The following LRRIQ3 variants were observed in gnomAD, a reference collection of about 807,000 sequenced individuals.
LRRIQ3 encodes the protein leucine-rich repeat and IQ domain-containing protein 3.
A neutral mutation model predicts 59.3 loss-of-function variants in LRRIQ3; 75 were observed. The ratio of observed to expected loss-of-function variants is 1.26; its 90% CI spans 1.05 to 1.53. The LOEUF (loss-of-function observed/expected upper bound fraction) is 1.53. LRRIQ3 is among the 40% of genes most tolerant of loss of function. LRRIQ3 has a pLI of 0.00. For missense variants in LRRIQ3, 831 were observed against 710.0 expected, an observed-to-expected ratio of 1.17 and a Z score of -1.94; for synonymous variants, 250 against 231.3, an observed-to-expected ratio of 1.08 and a Z score of -0.73.
intron 6 of LRRIQ3, among the ~76,000 whole-genome samples, chr1:74,055,753 A>C (rs1654513978): frequency 6.6e-6 from 1 of 152,166 alleles, no homozygotes; most frequent in Non-Finnish European, 1.5e-5. Flanking sequence ...TTCATATGGC[A>C]ACTGTTTAAT....
At chr1:74,190,875 G>A (rs1181583601) in intron 1 of LRRIQ3, among the ~76,000 whole-genome samples, 1 of 152,048 alleles carries the variant, frequency 6.6e-6, no homozygotes, top group African/African-American at 2.4e-5. Flanking sequence ...AATATTTGAA[G>A]TGTTAAGAGA....
chr1:74,081,635 T>C (rs1185744438), intron 5 of LRRIQ3, among the ~76,000 whole-genome samples: 6 of 151,612 alleles, frequency 4.0e-5, no homozygotes, highest in Non-Finnish European at 7.4e-5. Flanking sequence ...TCAGAATATA[T>C]AGTTTTCATT....
At chr1:74,124,597 C>A (rs1646908854) in intron 4 of LRRIQ3, among the ~76,000 whole-genome samples, 2 of 151,964 alleles carry the variant, frequency 1.3e-5, no homozygotes, top group Non-Finnish European at 2.9e-5. Context: ...ATTTTCCCAA[C>A]ACCACTTACT....
rs778570311 is a variant in LRRIQ3, at chr1:74,041,869, G to GA, written c.1061dup (p.Lys355GlnfsTer13). 1 of 1,611,568 alleles carries GA rather than the reference G, an allele frequency of 6.2e-7. No homozygotes were observed. The highest frequency in any genetic ancestry group is 1.1e-5 in the South Asian group (1 of 90,666). ...AACCTGAAGTGTATATGGGTAGTTTGAAAACTGATATCCTAAAACTGGTAT... is the reference window on the plus strand; with the variant it reads ...AACCTGAAGTGTATATGGGTAGTTTGAAAAACTGATATCCTAAAACTGGTAT... On this transcript the variant is annotated frameshift_variant, in exon 7 of 8. Coordinates refer to ENST00000354431, the MANE Select transcript of LRRIQ3 (RefSeq NM_001105659.2). LOFTEE classifies it high-confidence loss of function.
At chr1:74,149,699 G>A (rs778782647) in intron 4 of LRRIQ3, among the ~76,000 whole-genome samples, 10 of 151,796 alleles carry the variant, frequency 6.6e-5, no homozygotes, top group Non-Finnish European at 1.5e-4. Context: ...CCTTTACTCT[G>A]TTTGGGTATA....
In LRRIQ3 at chr1:74,041,334, G is replaced by A. The variant is rs970244479; in HGVS notation, c.1597C>T (p.Leu533Phe). ...NERTLLTRGL[L>F]KIDRLEKNEA... is the part of the protein sequence containing the mutation. ...TTCTTCTCCAGTCTGTCAATTTTAAGTAGTCCTCTGGTCAAAAGAGTGCGC... is the reference window on the plus strand; with the variant it reads ...TTCTTCTCCAGTCTGTCAATTTTAAATAGTCCTCTGGTCAAAAGAGTGCGC... Residue 533 changes from leucine to phenylalanine, a missense_variant, in exon 7 of 8, where the codon CTT (leucine) becomes TTT (phenylalanine). Transcript: ENST00000354431. 1.9e-6 allele frequency: 3 copies of A among 1,613,610 alleles called. No individual in the cohort carries two copies. Among genetic ancestry groups the A allele is most frequent in the Non-Finnish European group, 1.7e-6 (2 of 1,179,866 alleles).
intron 4 of LRRIQ3, chr1:74,144,431 G>A: frequency 3.1e-6 from 1 of 323,654 alleles, no homozygotes; most frequent in East Asian, 1.1e-4. Context: ...ATATTTCAAG[G>A]AAACTAGATT....
At chr1:74,122,781 T>C (rs12731216) in intron 4 of LRRIQ3, among the ~76,000 whole-genome samples, 1 of 151,950 alleles carries the variant, frequency 6.6e-6, no homozygotes, top group African/African-American at 2.4e-5. Context: ...AAGGACTTCA[T>C]GTCTAAAACA....
chr1:74,166,467 T>G (rs1158984540), intron 3 of LRRIQ3, among the ~76,000 whole-genome samples: 1 of 151,808 alleles, frequency 6.6e-6, no homozygotes, highest in Non-Finnish European at 1.5e-5. Flanking sequence ...GGTTTGTCAA[T>G]TTTATTCACT....
intron 4 of LRRIQ3, among the ~76,000 whole-genome samples, chr1:74,139,061 T>C (rs1647179783): frequency 6.6e-6 from 1 of 150,598 alleles, no homozygotes; most frequent in Admixed American, 6.7e-5. Flanking sequence ...TATGTGTATA[T>C]ATATATATAT....
At chr1:74,158,905 T>C (rs982929609) in intron 3 of LRRIQ3, among the ~76,000 whole-genome samples, 3 of 152,090 alleles carry the variant, frequency 2.0e-5, no homozygotes, top group Non-Finnish European at 2.9e-5. Flanking sequence ...CCAACTTTAG[T>C]TGAGATTATT....
At chr1:74,135,129 T>C (rs1306150564) in intron 4 of LRRIQ3, among the ~76,000 whole-genome samples, 4 of 151,888 alleles carry the variant, frequency 2.6e-5, no homozygotes, top group African/African-American at 9.7e-5. Context: ...AAATAGACTT[T>C]AAGATAAAAT....
At chr1:74,120,858 C>T (rs1049326245) in intron 4 of LRRIQ3, among the ~76,000 whole-genome samples, 9 of 152,048 alleles carry the variant, frequency 5.9e-5, no homozygotes, top group East Asian at 1.9e-4. Context: ...TAATAAGTTT[C>T]CCACTTATTA....
At chr1:74,097,057 C>A (rs1000650628) in intron 5 of LRRIQ3, among the ~76,000 whole-genome samples, 2 of 152,188 alleles carry the variant, frequency 1.3e-5, no homozygotes, top group Non-Finnish European at 2.9e-5. Flanking sequence ...CTGGGAGAAC[C>A]ACTACTCTCT....
intron 6 of LRRIQ3, among the ~76,000 whole-genome samples, chr1:74,074,456 G>T (rs1646178370): frequency 6.6e-6 from 1 of 151,910 alleles, no homozygotes; most frequent in Non-Finnish European, 1.5e-5. Context: ...TCATTTTTTA[G>T]CTTTTTATAC....
chr1:74,043,605 A>G (rs1278787343), intron 6 of LRRIQ3, among the ~76,000 whole-genome samples: 14 of 152,174 alleles, frequency 9.2e-5, no homozygotes, highest in Non-Finnish European at 2.1e-4. Context: ...GTCAAAAGTC[A>G]GAGTCTCTCA....
At chr1:74,180,604 T>A (rs2100719829) in intron 3 of LRRIQ3, 1 of 999,638 alleles carries the variant, frequency 1.0e-6, no homozygotes, top group Admixed American at 3.1e-5. Context: ...ATTTCCACAC[T>A]TATTCTTCTC....
At chr1:74,045,139 C>T (rs546159086) in intron 6 of LRRIQ3, among the ~76,000 whole-genome samples, 2 of 152,102 alleles carry the variant, frequency 1.3e-5, no homozygotes, top group Admixed American at 6.6e-5. Flanking sequence ...GATACCAAGA[C>T]CTGGCACAGA....
intron 3 of LRRIQ3, among the ~76,000 whole-genome samples, chr1:74,170,991 A>T (rs1276801286): frequency 2.0e-5 from 3 of 152,102 alleles, no homozygotes; most frequent in Admixed American, 6.6e-5. Flanking sequence ...TAATGTATAA[A>T]AATGTAACTG....
Sources: gnomAD v4.1 joint callset for allele counts (sites outside exome capture counted in the v4.1 genomes callset) on GRCh38, gnomAD v4.1.1 for gene constraint, MANE v1.5 for transcripts, NCBI Gene and HGNC (gene_info 2026-07-23, HGNC 2026-07-21) for gene names.